The following VPS8 variants were observed in gnomAD, a reference collection of about 807,000 sequenced individuals.
VPS8 encodes the protein VPS8 subunit of CORVET complex, also known as vacuolar protein sorting-associated protein 8 homolog.
A neutral mutation model predicts 216.4 loss-of-function variants in VPS8; 129 were observed. The observed-to-expected ratio is 0.60, with a 90% CI of 0.52 to 0.69. The LOEUF is 0.69. VPS8 is among the 30% of genes least tolerant of loss of function. The probability of loss-of-function intolerance (pLI) is 0.00; values close to 1 mark genes in which losing one functional copy is unlikely to be tolerated. For missense variants in VPS8, 1,531 were observed against 1,683.5 expected (o/e 0.91, Z 1.59); for synonymous variants, 571 against 565.4 (o/e 1.01, Z -0.14).
intron 40 of VPS8, among the ~76,000 whole-genome samples, chr3:184,977,612 T>G (rs895213901): frequency 1.3e-5 from 2 of 152,140 alleles, no homozygotes; most frequent in Non-Finnish European, 2.9e-5. Flanking sequence ...TAATCCATCT[T>G]AAGTTGATCT....
intron 46 of VPS8, among the ~76,000 whole-genome samples, chr3:185,042,757 T>C (rs1046370223): frequency 1.2e-4 from 18 of 152,184 alleles, no homozygotes; most frequent in Non-Finnish European, 2.4e-4. Flanking sequence ...TCTCTAAAAA[T>C]TCAAACTGTA....
At chr3:184,920,311 G>C in intron 29 of VPS8, 113 bp downstream of exon 29, 1 of 689,566 alleles carries the variant, frequency 1.5e-6, no homozygotes, top group South Asian at 3.4e-5. Flanking sequence ...GAATCATATC[G>C]TAAAATTTTA....
chr3:184,925,961 G>C (rs1374851812), intron 30 of VPS8, among the ~76,000 whole-genome samples: 2 of 150,914 alleles, frequency 1.3e-5, no homozygotes, highest in Admixed American at 1.3e-4. Context: ...TTTTTGTAGA[G>C]ATGGGGTTTC....
intron 21 of VPS8, among the ~76,000 whole-genome samples, chr3:184,880,026 G>C (rs1486091869): frequency 6.6e-6 from 1 of 152,142 alleles, no homozygotes; most frequent in African/African-American, 2.4e-5. Context: ...GGATGGTTTT[G>C]CCTTAATTGA....
At chr3:184,977,878 T>C (rs1277592760) in intron 40 of VPS8, among the ~76,000 whole-genome samples, 1 of 61,832 alleles carries the variant, frequency 1.6e-5, no homozygotes, top group Non-Finnish European at 4.1e-5. Context: ...TGATGTTTTC[T>C]TTTTTCTTTT....
chr3:184,848,605 G>T (rs1723630013), intron 8 of VPS8, among the ~76,000 whole-genome samples: 1 of 118,968 alleles, frequency 8.4e-6, no homozygotes, highest in Admixed American at 1.2e-4. Flanking sequence ...GTCTCACTCT[G>T]CTGTGCAGGC....
chr3:184,905,021 C>T (rs1029628811), intron 25 of VPS8, among the ~76,000 whole-genome samples: 4 of 152,190 alleles, frequency 2.6e-5, no homozygotes, highest in Non-Finnish European at 5.9e-5. Context: ...TGTGTCCTCA[C>T]ATGGCGGAAG....
chr3:184,922,834 A>G (rs1461023315), intron 29 of VPS8, among the ~76,000 whole-genome samples: 2 of 152,116 alleles, frequency 1.3e-5, no homozygotes, highest in Admixed American at 6.5e-5. Context: ...TACATTGCCC[A>G]GAAAATTTGT....
intron 3 of VPS8, among the ~76,000 whole-genome samples, chr3:184,832,304 A>T (rs958170325): frequency 2.0e-5 from 3 of 150,706 alleles, no homozygotes; most frequent in African/African-American, 7.3e-5. Flanking sequence ...TCTGCTTGTC[A>T]TTTTTTTTTA....
chr3:184,843,011 A>G lies in VPS8; in HGVS notation c.536-229A>G, dbSNP rs535377694. Among the ~76,000 whole-genome samples the G allele has an allele frequency of 8.6e-5, 13 of 151,932 alleles. No individual in the cohort carries two copies. The East Asian group carries it at 2.3e-3, about 27-fold the overall frequency. On this transcript the variant is annotated intron_variant, in intron 7 of 47. Transcript: ENST00000625842. ...TTTTATCTAACTTAAACATGGATTT[A>G]CTTACTTTGCTCTAATGAGAGTATT...
chr3:184,885,961 T>C, intron 21 of VPS8, 149 bp from the exon 22 acceptor site: 1 of 736,940 alleles, frequency 1.4e-6, no homozygotes, highest in Non-Finnish European at 2.2e-6. Context: ...TTTCAGACTT[T>C]GACACATAAT....
At chr3:184,929,483 C>T (rs1740298514) in intron 32 of VPS8, 97 bp from the exon 33 acceptor site, 4 of 707,958 alleles carry the variant, frequency 5.7e-6, no homozygotes, top group South Asian at 5.1e-5. Context: ...AGCCAGGACA[C>T]CTGGCCCACT....
Position 184,848,373 on chromosome 3 carries a change from A to G in VPS8, c.542-698A>G, listed in dbSNP as rs1005156257. 3.3e-5 allele frequency among the ~76,000 whole-genome samples: 5 copies of G among 152,116 alleles called. No individual in the cohort carries two copies. The East Asian group carries it at 9.6e-4, about 29-fold the overall frequency. On this transcript the variant is annotated intron_variant, in intron 8 of 47. Transcript: ENST00000625842. Reference sequence around the variant, plus strand: ...CTAAATTAAGTTTCTTGAGTTTTGAAGTTTTATAGTTATTTTAAAAGACGA... The same window carrying G: ...CTAAATTAAGTTTCTTGAGTTTTGAGGTTTTATAGTTATTTTAAAAGACGA...
chr3:184,908,422 A>C (rs139445112), intron 25 of VPS8, among the ~76,000 whole-genome samples: 1,880 of 152,338 alleles, frequency 0.012, 51 homozygotes, highest in South Asian at 0.02. Context: ...AAGTGCTGAC[A>C]CAGGAACAAG....
At chr3:184,958,334 C>T (rs913768102) in intron 37 of VPS8, among the ~76,000 whole-genome samples, 7 of 151,884 alleles carry the variant, frequency 4.6e-5, no homozygotes, top group Admixed American at 6.6e-5. Context: ...AGTGTGTTTC[C>T]GACAAAGGTA....
At chr3:185,044,185 C>T (rs1055758309) in intron 46 of VPS8, among the ~76,000 whole-genome samples, 1 of 152,096 alleles carries the variant, frequency 6.6e-6, no homozygotes, top group Non-Finnish European at 1.5e-5. Flanking sequence ...AGTGAAACTC[C>T]GTCTCAAAAA....
intron 1 of VPS8, among the ~76,000 whole-genome samples, chr3:184,820,774 C>T (rs1274330927): frequency 6.6e-6 from 1 of 152,120 alleles, no homozygotes; most frequent in Non-Finnish European, 1.5e-5. Context: ...ACATAGTTGG[C>T]TTCACTAATA....
Position 184,854,089 on chromosome 3 carries a change from T to C in VPS8, c.976-25T>C, listed in dbSNP as rs534967060. The stretch of plus-strand genomic sequence containing the variant: ...ATATTTGAAAATTCCAAGGTCAATA[T>C]TGAAAACATATTTTTCTCTTACAGA... On this transcript the variant is annotated intron_variant, in intron 12 of 47. Coordinates refer to ENST00000625842, the MANE Select transcript of VPS8 (RefSeq NM_001009921.3). 4 of 1,613,534 alleles carry C rather than the reference T, an allele frequency of 2.5e-6. No individual in the cohort carries two copies. The East Asian group carries it at 6.7e-5, about 27-fold the overall frequency.
At chr3:184,913,194 G>T (rs954791719) in intron 25 of VPS8, among the ~76,000 whole-genome samples, 1 of 152,108 alleles carries the variant, frequency 6.6e-6, no homozygotes, top group Non-Finnish European at 1.5e-5. Flanking sequence ...TAATTAATTG[G>T]TTCTGATGTA....
Sources: allele counts gnomAD v4.1 joint callset (sites outside exome capture counted in the v4.1 genomes callset), GRCh38; gene constraint gnomAD v4.1.1; transcripts MANE v1.5; gene names NCBI Gene and HGNC (gene_info 2026-07-23, HGNC 2026-07-21).